The following VAPA variants were observed in gnomAD, a reference collection of about 807,000 sequenced individuals.
The protein encoded by VAPA is vesicle-associated membrane protein-associated protein A.
A neutral mutation model predicts 25.6 loss-of-function variants in VAPA; 6 were observed. The observed-to-expected ratio is 0.23, with a 90% confidence interval of 0.13 to 0.46. VAPA has a LOEUF of 0.46. Among genes scored for constraint, VAPA ranks in the 20% least tolerant of loss-of-function variants. VAPA has a pLI of 0.99. For synonymous variants in VAPA, 112 were observed against 106.2 expected, an observed-to-expected ratio of 1.05 and a Z score of -0.34; for missense variants, 244 against 302.1, an observed-to-expected ratio of 0.81 and a Z score of 1.43.
intron 2 of VAPA, among the ~76,000 whole-genome samples, chr18:9,933,878 T>C (rs29156): frequency 9.2e-5 from 14 of 152,204 alleles, no homozygotes; most frequent in African/African-American, 3.4e-4. Context: ...TAAAAATAGT[T>C]TATTGGTACA....
intron 5 of VAPA, among the ~76,000 whole-genome samples, chr18:9,952,580 A>C (rs1206481448): frequency 2.0e-5 from 3 of 148,500 alleles, no homozygotes; most frequent in African/African-American, 2.5e-5. Flanking sequence ...AAAAAAAAAA[A>C]CAAAACCCTT....
rs184134038 is a variant in VAPA, at chr18:9,936,961, C to T, written c.337-25C>T. 1.4e-3 allele frequency: 2,266 copies of T among 1,602,642 alleles called. 5 individuals are homozygous for T. The highest frequency in any genetic ancestry group is 1.8e-3 in the Non-Finnish European group (2,102 of 1,170,030). On this transcript the variant is annotated intron_variant, in intron 3 of 5. Transcript: ENST00000400000. Reference sequence around the variant, plus strand: ...TACCATGATCATACCTCCTATGTCTCATGTTTGGTTTTGTTTATTTTTAGT... The same window carrying T: ...TACCATGATCATACCTCCTATGTCTTATGTTTGGTTTTGTTTATTTTTAGT...
intron 1 of VAPA, among the ~76,000 whole-genome samples, chr18:9,930,690 C>T (rs1368847745): frequency 6.7e-6 from 1 of 148,940 alleles, no homozygotes; most frequent in African/African-American, 2.5e-5. Context: ...CATATGTATG[C>T]TTTTTTTTTA....
rs1599107766 is a variant in VAPA, at chr18:9,936,117, A to G, written c.240A>G (p.Leu80=). 6 of 1,604,460 alleles carry G rather than the reference A, an allele frequency of 3.7e-6. No individual in the cohort carries two copies. Among genetic ancestry groups the G allele is most frequent in the Middle Eastern group, 1.7e-4 (1 of 5,988 alleles). ...PGSTVTVSVM[L]QPFDYDPNEK... ...CCTTTTTTTCTTATTTAGTAATGCT[A>G]CAGCCCTTTGACTATGATCCGAATG... The change falls in exon 3 of 6, where the codon CTA becomes CTG. Residue 80 remains leucine, a synonymous_variant. Transcript: ENST00000400000.
At chr18:9,938,840 CTG>C in intron 4 of VAPA, among the ~76,000 whole-genome samples, 1 of 152,252 alleles carries the variant, frequency 6.6e-6, no homozygotes, top group East Asian at 1.9e-4. Context: ...CAGTGAACCT[CTG>C]TGAACTTATG....
intron 4 of VAPA, among the ~76,000 whole-genome samples, chr18:9,945,392 G>A (rs972783494): frequency 9.2e-6 from 1 of 108,462 alleles, no homozygotes. Flanking sequence ...ATGGAGTCTC[G>A]CTCTGTCACC....
chr18:9,926,198 A>T (rs186381189), intron 1 of VAPA, among the ~76,000 whole-genome samples: 1 of 152,158 alleles, frequency 6.6e-6, no homozygotes, highest in Non-Finnish European at 1.5e-5. Flanking sequence ...TATAGTATTA[A>T]TATATGTTTT....
intron 4 of VAPA, among the ~76,000 whole-genome samples, chr18:9,945,534 AT>A (rs1033872167): frequency 6.6e-6 from 1 of 150,516 alleles, no homozygotes; most frequent in Admixed American, 6.6e-5. Flanking sequence ...TAATTTTTGT[AT>A]TTTTTTGGTA....
In VAPA at chr18:9,959,501, A is replaced by G. The variant is rs1280926261; in HGVS notation, c.*5290A>G. ...GGAAATGGCTTATGTAACCTACAAG[A>G]CTGGAGAACAGAATGTGACTGGCCT... On this transcript the variant is annotated 3_prime_UTR_variant, in exon 6 of 6. Transcript: ENST00000400000. The G allele has an allele frequency of 6.6e-6, 1 of 152,138 alleles. No homozygotes were observed. Among genetic ancestry groups the G allele is most frequent in the Admixed American group, 6.5e-5 (1 of 15,278 alleles). 9.4% of individuals were successfully genotyped at this position (152,138 alleles called of 1,614,324 possible).
intron 4 of VAPA, among the ~76,000 whole-genome samples, chr18:9,943,607 TAGCTCTGTTTGGATTGTC>T (rs1433798188): frequency 2.6e-5 from 4 of 152,194 alleles, no homozygotes; most frequent in Non-Finnish European, 5.9e-5. Flanking sequence ...TTTGAATTAT[TAGCTCTGTTTGGATTGTC>T]AGCTCTGTAT....
intron 1 of VAPA, among the ~76,000 whole-genome samples, chr18:9,917,489 C>T (rs1396652121): frequency 1.3e-5 from 2 of 152,168 alleles, no homozygotes; most frequent in Non-Finnish European, 2.9e-5. Flanking sequence ...GGGATTTTGC[C>T]AGGCTGGCCT....
chr18:9,939,956 A>G (rs1209000246), intron 4 of VAPA, among the ~76,000 whole-genome samples: 3 of 152,198 alleles, frequency 2.0e-5, no homozygotes, highest in African/African-American at 4.8e-5. Flanking sequence ...TGTCATTCCT[A>G]CTTCATACAC....
chr18:9,931,817 C>T lies in VAPA; in HGVS notation c.87C>T (p.Phe29=). ...AATTTTTAAACTTTACAGGCCCCTT[C>T]ACAGATGTAGTCACTACAAATCTTA... ...PPTDLKFKGP[F]TDVVTTNLKL... Residue 29 remains phenylalanine (F), a synonymous_variant, in exon 2 of 6, where the codon TTC becomes TTT. Coordinates refer to ENST00000400000, the MANE Select transcript of VAPA (RefSeq NM_194434.3). 5.6e-6 allele frequency: 9 copies of T among 1,609,966 alleles called. No homozygotes were observed. The highest frequency in any genetic ancestry group is 7.6e-6 in the Non-Finnish European group (9 of 1,178,768).
rs550357271 is a variant in VAPA at position 9,918,745 on chromosome 18, C to G, written c.79+4410C>G. 3.3e-5 allele frequency among the ~76,000 whole-genome samples: 5 copies of G among 152,248 alleles called. No homozygotes were observed. In the South Asian group the frequency reaches 1.0e-3, roughly 32 times the overall value. On this transcript the variant is annotated intron_variant, in intron 1 of 5. Transcript: ENST00000400000. ...CTCTCTGCAGGTATTGCTACACCCC[C>G]AAGTCTGTTTTAATTCACATTTTAC... is the stretch of plus-strand genomic sequence containing the variant.
rs554906914 is a variant in VAPA at position 9,931,596 on chromosome 18, A to G, written c.80-214A>G. On this transcript the variant is annotated intron_variant, in intron 1 of 5. Coordinates refer to ENST00000400000, the MANE Select transcript of VAPA (RefSeq NM_194434.3). ...TAGAAATCATACATGTTTATGGTAG[A>G]AATTTTGTGAAATACAGGGAATGAA... is the stretch of plus-strand genomic sequence containing the variant. 3.9e-5 allele frequency among the ~76,000 whole-genome samples: 6 copies of G among 152,354 alleles called. No individual in the cohort carries two copies. The South Asian group carries it at 1.2e-3, about 32-fold the overall frequency.
intron 1 of VAPA, among the ~76,000 whole-genome samples, chr18:9,919,255 G>T (rs2069137409): frequency 6.6e-6 from 1 of 152,140 alleles, no homozygotes; most frequent in Non-Finnish European, 1.5e-5. Flanking sequence ...ATTAAAATCT[G>T]TGTTTCTATT....
chr18:9,944,062 C>T (rs971925897), intron 4 of VAPA, among the ~76,000 whole-genome samples: 4 of 151,588 alleles, frequency 2.6e-5, no homozygotes, highest in East Asian at 1.9e-4. Flanking sequence ...AGGGTTTCAC[C>T]GTGGTGTCAA....
chr18:9,922,867 T>A (rs1455540716), intron 1 of VAPA, among the ~76,000 whole-genome samples: 1 of 152,240 alleles, frequency 6.6e-6, no homozygotes, highest in Admixed American at 6.5e-5. Flanking sequence ...CTCTTCAGTA[T>A]GGGTTTTTTT....
chr18:9,918,886 T>C (rs549209669), intron 1 of VAPA, among the ~76,000 whole-genome samples: 13 of 152,208 alleles, frequency 8.5e-5, no homozygotes, highest in Non-Finnish European at 1.8e-4. Context: ...ATGCCTACTC[T>C]TCTTCCCATA....
Sources: allele counts gnomAD v4.1 joint callset (sites outside exome capture counted in the v4.1 genomes callset), GRCh38; gene constraint gnomAD v4.1.1; transcripts MANE v1.5; gene names NCBI Gene and HGNC (gene_info 2026-07-23, HGNC 2026-07-21).